HERC4: variants seen among roughly 807,000 people sequenced by gnomAD.
HERC4 encodes the protein probable E3 ubiquitin-protein ligase HERC4.
A neutral mutation model predicts 124.3 loss-of-function variants in HERC4; 28 were observed. That is an observed-to-expected ratio of 0.23 (90% CI 0.17 to 0.31). HERC4 has a LOEUF of 0.31. Among genes scored for constraint, HERC4 ranks in the 10% least tolerant of loss-of-function variants. The pLI, the probability that HERC4 is intolerant of heterozygous loss-of-function variation, is 1.00. For synonymous variants in HERC4, 407 were observed against 421.5 expected (o/e 0.97, Z 0.42); for missense variants, 713 against 1,229.3 (o/e 0.58, Z 6.28).
chr10:67,935,556 A>G (rs2032284647), intron 22 of HERC4, among the ~76,000 whole-genome samples: 1 of 152,154 alleles, frequency 6.6e-6, no homozygotes, highest in African/African-American at 2.4e-5. Context: ...CCCTGTTTTC[A>G]GTTCAGCTCC....
At chr10:68,066,275 A>G (rs574877220) in intron 3 of HERC4, among the ~76,000 whole-genome samples, 2 of 152,332 alleles carry the variant, frequency 1.3e-5, no homozygotes, top group Admixed American at 1.3e-4. Flanking sequence ...TGTATGATAT[A>G]TTGGGAATAC....
At chr10:67,955,504 G>A in intron 17 of HERC4, 1 of 158,102 alleles carries the variant, frequency 6.3e-6, no homozygotes, top group South Asian at 1.8e-4. Context: ...GGGCGCAGTG[G>A]CTCACGCCTG....
intron 5 of HERC4, among the ~76,000 whole-genome samples, chr10:68,036,604 AAGTATG>A (rs1407285429): frequency 6.6e-6 from 1 of 152,166 alleles, no homozygotes; most frequent in African/African-American, 2.4e-5. Flanking sequence ...GCCTAAACTG[AAGTATG>A]AGTATGTCTC....
rs367794313 is a variant in HERC4 at position 67,922,965 on chromosome 10, G to A, written c.3116C>T (p.Ala1039Val). ...KETLRSKLIQ[A>V]IDHNEGFSLI Reference sequence around the variant, plus strand: ...ACTGAAGCCTTCATTGTGATCAATAGCTTGGATCAGTTTAGAGCGTAGAGT... The same window carrying A: ...ACTGAAGCCTTCATTGTGATCAATAACTTGGATCAGTTTAGAGCGTAGAGT... The change falls in exon 25 of 25, where the codon GCT becomes GTT. Residue 1039 changes from alanine to valine, a missense_variant. By Grantham distance (64) the Ala-to-Val change is moderately conservative. Transcript: ENST00000373700. 218 of 1,612,766 alleles carry A rather than the reference G, an allele frequency of 1.4e-4. 1 individual carries two copies. The highest frequency in any genetic ancestry group is 1.8e-4 in the Non-Finnish European group (213 of 1,179,124).
chr10:67,984,719 A>G (rs1410507102), intron 15 of HERC4, among the ~76,000 whole-genome samples: 1 of 152,100 alleles, frequency 6.6e-6, no homozygotes, highest in Non-Finnish European at 1.5e-5. Context: ...AATAGTTGGT[A>G]TTACAGACAC....
chr10:68,066,717 T>C (rs1291741690), intron 3 of HERC4, among the ~76,000 whole-genome samples: 1 of 152,162 alleles, frequency 6.6e-6, no homozygotes, highest in African/African-American at 2.4e-5. Flanking sequence ...TAGTACAGCA[T>C]AGCAGTTAGA....
chr10:68,008,411 A>T (rs1305555714), intron 9 of HERC4, among the ~76,000 whole-genome samples: 1 of 152,124 alleles, frequency 6.6e-6, no homozygotes, highest in Non-Finnish European at 1.5e-5. Context: ...TAGTCAAAAA[A>T]TTTTTTGTTG....
chr10:68,035,663 C>T (rs1040096628), intron 5 of HERC4, among the ~76,000 whole-genome samples: 3 of 152,152 alleles, frequency 2.0e-5, no homozygotes, highest in African/African-American at 7.2e-5. Flanking sequence ...TATGATCTAC[C>T]TATGTTTCCA....
At chr10:67,966,483 G>A in intron 16 of HERC4, 200 bp downstream of exon 16, 1 of 448,936 alleles carries the variant, frequency 2.2e-6, no homozygotes, top group Non-Finnish European at 3.8e-6. Flanking sequence ...CTTTGGTTTG[G>A]CTTTGGTAAA....
At chr10:67,967,756 A>C (rs1418427190) in intron 15 of HERC4, among the ~76,000 whole-genome samples, 4 of 152,212 alleles carry the variant, frequency 2.6e-5, no homozygotes, top group Non-Finnish European at 5.9e-5. Flanking sequence ...AATCCAATCA[A>C]GTCTCCTAAT....
chr10:68,049,162 C>T (rs117594746), intron 3 of HERC4, among the ~76,000 whole-genome samples: 179 of 150,692 alleles, frequency 1.2e-3, no homozygotes, highest in Non-Finnish European at 1.6e-3. Context: ...TCCATCTACA[C>T]GCTGAAATAT....
chr10:67,988,736 A>G lies in HERC4; in HGVS notation c.1733T>C (p.Ile578Thr), dbSNP rs1225815239. 1.1e-5 allele frequency: 18 copies of G among 1,606,042 alleles called. No homozygotes were observed. The highest frequency in any genetic ancestry group is 1.4e-5 in the Non-Finnish European group (17 of 1,175,954). ...VHLLKLYKIG[I>T]PPSERRIFNS... is the part of the protein sequence containing the mutation. ...GAAAATTCTTCTTTCAGAAGGGGGAATACCGATCTTGTAGAGTTTCAAAAG... is the reference window on the plus strand; with the variant it reads ...GAAAATTCTTCTTTCAGAAGGGGGAGTACCGATCTTGTAGAGTTTCAAAAG... The change falls in exon 15 of 25, where the codon ATT (isoleucine) becomes ACT (threonine). Residue 578 changes from isoleucine (I) to threonine (T), a missense_variant. Transcript: ENST00000373700.
chr10:68,001,544 CA>C (rs1267938150), intron 9 of HERC4, among the ~76,000 whole-genome samples: 3 of 151,956 alleles, frequency 2.0e-5, no homozygotes, highest in African/African-American at 4.8e-5. Flanking sequence ...GAGTACAGTG[CA>C]AAAAGATTAT....
Position 68,033,968 on chromosome 10 carries a change from T to A in HERC4, c.682A>T (p.Asn228Tyr). Reference sequence around the variant, plus strand: ...ACTATACATAATGAGAACCTACCATTTTCATCATTAAGACCTAGCTGACCA... The same window carrying A: ...ACTATACATAATGAGAACCTACCATATTCATCATTAAGACCTAGCTGACCA... The part of the protein sequence containing the change: ...KFGQLGLNDE[N>Y]DRYVPNLLKS... Residue 228 changes from asparagine to tyrosine, a missense_variant, in exon 6 of 25, where the codon AAT (asparagine) becomes TAT (tyrosine). Asn to Tyr is a moderately radical substitution (Grantham distance 143, BLOSUM62 -2). Coordinates refer to ENST00000373700, the MANE Select transcript of HERC4 (RefSeq NM_015601.4). 1 of 1,612,818 alleles carries A rather than the reference T, an allele frequency of 6.2e-7. No homozygotes were observed. The highest frequency in any genetic ancestry group is 8.5e-7 in the Non-Finnish European group (1 of 1,178,870).
rs1159025846 is a variant in HERC4 at position 68,032,878 on chromosome 10, TC to T, written c.686-10del. 7.5e-7 allele frequency: 1 copy of T among 1,339,986 alleles called. No homozygotes were observed. The highest frequency in any genetic ancestry group is 1.2e-5 in the South Asian group (1 of 85,448). 83.0% of individuals were successfully genotyped at this position (1,339,986 alleles called of 1,614,324 possible). On this transcript the variant is annotated splice_polypyrimidine_tract_variant and intron_variant, in intron 6 of 24. Transcript: ENST00000373700. ...ATTAGGAACATACCTATCTGAAAATTCCAACAAGAGATGTTAATAGTATTTT... is the reference window on the plus strand; with the variant it reads ...ATTAGGAACATACCTATCTGAAAATTCAACAAGAGATGTTAATAGTATTTT...
chr10:68,005,942 C>T (rs1199472389), intron 9 of HERC4, among the ~76,000 whole-genome samples: 1 of 152,110 alleles, frequency 6.6e-6, no homozygotes, highest in Non-Finnish European at 1.5e-5. Context: ...TCAAGCAATC[C>T]TCTTGCCTCC....
chr10:68,023,296 T>C (rs987808922), intron 8 of HERC4, among the ~76,000 whole-genome samples: 2 of 152,134 alleles, frequency 1.3e-5, no homozygotes, highest in Non-Finnish European at 2.9e-5. Context: ...AACCCAAGTG[T>C]CCATCAAAAG....
At position 67,954,727 on chromosome 10, in the gene HERC4, A is replaced by G. The variant is rs1409768861; in HGVS notation, c.2205T>C (p.Val735=). ...CTCCTGCATCCACAGCATCTTCTCC[A>G]ACAAATATAACCTAAAATAGCACAA... ...DYKKPLKVIF[V]GEDAVDAGGV... is the part of the protein sequence containing the mutation. The change falls in exon 19 of 25, where the codon GTT becomes GTC. Residue 735 remains valine (V), a synonymous_variant. Coordinates refer to ENST00000373700, the MANE Select transcript of HERC4 (RefSeq NM_015601.4). 7 of 1,613,166 alleles carry G rather than the reference A, an allele frequency of 4.3e-6. No individual in the cohort carries two copies. Among genetic ancestry groups the G allele is most frequent in the Middle Eastern group, 1.7e-4 (1 of 6,056 alleles).
chr10:68,037,964 G>A (rs932306315), intron 5 of HERC4, 129 bp downstream of exon 5: 31 of 591,958 alleles, frequency 5.2e-5, no homozygotes, highest in African/African-American at 4.9e-4. Flanking sequence ...AAAGTTATAT[G>A]GAAATGAAAA....
Sources: allele counts gnomAD v4.1 joint callset (sites outside exome capture counted in the v4.1 genomes callset), GRCh38; gene constraint gnomAD v4.1.1; transcripts MANE v1.5; gene names NCBI Gene and HGNC (gene_info 2026-07-23, HGNC 2026-07-21).